CCDC73: variants seen among roughly 807,000 people sequenced by gnomAD.
The protein encoded by CCDC73 is coiled-coil domain-containing protein 73.
In CCDC73, 95 loss-of-function variants were observed where a neutral mutation model predicts 116.5. That is an observed-to-expected ratio of 0.82 (90% CI 0.69 to 0.97). The LOEUF is 0.97. Ranked by LOEUF, CCDC73 falls within the 50% of genes least tolerant of loss-of-function variation. CCDC73 has a pLI of 0.00. For synonymous variants in CCDC73, 398 were observed against 401.3 expected, an observed-to-expected ratio of 0.99 and a Z score of 0.10; for missense variants, 1,066 against 1,206.8, an observed-to-expected ratio of 0.88 and a Z score of 1.73.
chr11:32,731,730 C>A lies in CCDC73; in HGVS notation c.136-13583G>T, dbSNP rs1418546483. ...GACTGTTAGAAGGAAAACTAACAAA[C>A]AGGACATCCACACGAAAATCCCATC... On this transcript the variant is annotated intron_variant, in intron 2 of 17. Coordinates refer to ENST00000335185, the MANE Select transcript of CCDC73 (RefSeq NM_001008391.4). 4.6e-5 allele frequency among the ~76,000 whole-genome samples: 7 copies of A among 150,760 alleles called. No homozygotes were observed. In the East Asian group the frequency reaches 1.2e-3, roughly 25 times the overall value.
At chr11:32,688,272 G>A (rs1314051190) in intron 6 of CCDC73, among the ~76,000 whole-genome samples, 4 of 152,140 alleles carry the variant, frequency 2.6e-5, no homozygotes, top group Admixed American at 2.0e-4. Flanking sequence ...TTACCTCTGT[G>A]ATATTCCTTC....
At chr11:32,604,835 G>A (rs954090769) in intron 17 of CCDC73, 1 of 152,090 alleles carries the variant, frequency 6.6e-6, no homozygotes, top group Non-Finnish European at 1.5e-5. Context: ...TTCAGTGTTA[G>A]ATTATGTAGT....
intron 7 of CCDC73, among the ~76,000 whole-genome samples, chr11:32,679,156 T>C (rs78349053): frequency 0.047 from 7,152 of 152,204 alleles, 185 homozygotes; most frequent in African/African-American, 0.061. Context: ...TTGATAAATG[T>C]ACTTAGTCCT....
At position 32,625,336 on chromosome 11, in the gene CCDC73, T is replaced by G. The variant is rs527873814; in HGVS notation, c.1186-9207A>C. Reference sequence around the variant, plus strand: ...ATCCTGTCATTATGATGTTAGCTGGTTATTTTGCTCGTTAGTTGATGCCGT... The same window carrying G: ...ATCCTGTCATTATGATGTTAGCTGGGTATTTTGCTCGTTAGTTGATGCCGT... On this transcript the variant is annotated intron_variant, in intron 14 of 17. Coordinates refer to ENST00000335185, the MANE Select transcript of CCDC73 (RefSeq NM_001008391.4). 4.6e-5 allele frequency among the ~76,000 whole-genome samples: 7 copies of G among 152,314 alleles called. No homozygotes were observed. The South Asian group carries it at 1.5e-3, about 32-fold the overall frequency.
At chr11:32,720,629 C>T (rs925663253) in intron 2 of CCDC73, among the ~76,000 whole-genome samples, 4 of 151,562 alleles carry the variant, frequency 2.6e-5, no homozygotes, top group African/African-American at 9.7e-5. Context: ...AAGGAACCTA[C>T]AAAAAAAACT....
At chr11:32,709,434 C>T (rs934605309) in intron 3 of CCDC73, among the ~76,000 whole-genome samples, 12 of 152,090 alleles carry the variant, frequency 7.9e-5, no homozygotes, top group African/African-American at 2.9e-4. Flanking sequence ...GTAGCTGGGG[C>T]TGCAGGCGCC....
At chr11:32,637,017 C>CTTTT (rs71063750) in intron 13 of CCDC73, among the ~76,000 whole-genome samples, 1,625 of 87,314 alleles carry the variant, frequency 0.019, 25 homozygotes, top group African/African-American at 0.038. Context: ...TTTTCTTTTT[C>CTTTT]TTTTTTTTTT....
In CCDC73 at chr11:32,614,846, G is replaced by C; in HGVS notation, c.1472C>G (p.Ser491Cys). ...TTGACTAATTACTTCTTTATCTAAG[G>C]AGAGGGTTTTGCTTAAGGAGATTTC... ...QSEISLSKTL[S>C]LDKEVISQGQ... The change falls in exon 16 of 18, where the codon TCC (serine) becomes TGC (cysteine). Residue 491 changes from serine (S) to cysteine (C), a missense_variant. Transcript: ENST00000335185. 1 of 1,612,916 alleles carries C rather than the reference G, an allele frequency of 6.2e-7. No individual in the cohort carries two copies.
intron 1 of CCDC73, among the ~76,000 whole-genome samples, chr11:32,781,630 C>G (rs1227074453): frequency 6.6e-6 from 1 of 152,138 alleles, no homozygotes; most frequent in Non-Finnish European, 1.5e-5. Flanking sequence ...GGAAGTTGTT[C>G]TGATGATGAC....
At chr11:32,774,990 T>C (rs1313996703) in intron 1 of CCDC73, among the ~76,000 whole-genome samples, 1 of 152,212 alleles carries the variant, frequency 6.6e-6, no homozygotes, top group Non-Finnish European at 1.5e-5. Context: ...AAGTGGTATC[T>C]ATCTAGGCCT....
At chr11:32,773,978 C>G (rs1509888) in intron 1 of CCDC73, among the ~76,000 whole-genome samples, 89,584 of 151,842 alleles carry the variant, frequency 0.59, 26,731 homozygotes, top group East Asian at 0.84. Context: ...TAAGAGAAGA[C>G]GGTAGGGGGT....
At chr11:32,604,976 C>T (rs1179805378) in intron 17 of CCDC73, 2 of 152,340 alleles carry the variant, frequency 1.3e-5, no homozygotes, top group South Asian at 2.1e-4. Flanking sequence ...CCTCAGCCTC[C>T]CGAGTAGCTG....
intron 9 of CCDC73, among the ~76,000 whole-genome samples, chr11:32,667,712 C>G (rs1234245763): frequency 6.6e-6 from 1 of 152,218 alleles, no homozygotes; most frequent in African/African-American, 2.4e-5. Flanking sequence ...GAACCTGGTA[C>G]CTCAGTTGGA....
At chr11:32,767,402 T>C (rs9667014) in intron 1 of CCDC73, among the ~76,000 whole-genome samples, 3,734 of 152,242 alleles carry the variant, frequency 0.025, 141 homozygotes, top group African/African-American at 0.083. Flanking sequence ...ATTCAGGACA[T>C]AGGCATGGGC....
chr11:32,764,918 G>C, intron 1 of CCDC73, among the ~76,000 whole-genome samples: 1 of 152,094 alleles, frequency 6.6e-6, no homozygotes, highest in East Asian at 1.9e-4. Context: ...GATGGAGGAA[G>C]ATCTACCAAG....
At chr11:32,828,693 G>C in the CCDC73 span, among the ~76,000 whole-genome samples, 1 of 152,102 alleles carries the variant, frequency 6.6e-6, no homozygotes, top group Non-Finnish European at 1.5e-5. Flanking sequence ...TTCATTACTT[G>C]ATGCAGCAGT....
rs1850608670 is a variant in CCDC73, at chr11:32,784,326, T to A, written c.-16+10287A>T. On this transcript the variant is annotated intron_variant, in intron 1 of 17. Transcript: ENST00000335185. Reference sequence around the variant, plus strand: ...CCTAAGCAACAAGAGTGAAAGTCCGTCTCAAAAAAAAAAAAGAAAGCAATG... The same window carrying A: ...CCTAAGCAACAAGAGTGAAAGTCCGACTCAAAAAAAAAAAAGAAAGCAATG... Among the ~76,000 whole-genome samples the A allele has an allele frequency of 2.9e-5, 3 of 102,430 alleles. No homozygotes were observed. The South Asian group carries it at 1.1e-3, about 38-fold the overall frequency. The allele number at this position is 102,430 out of a possible 152,430, so 67.2% of individuals were successfully genotyped here.
chr11:32,736,196 A>T (rs905418010), intron 2 of CCDC73, among the ~76,000 whole-genome samples: 5 of 152,338 alleles, frequency 3.3e-5, no homozygotes, highest in African/African-American at 1.2e-4. Context: ...TGCACAGCAA[A>T]AGAAACTACC....
upstream of CCDC73, among the ~76,000 whole-genome samples, chr11:32,798,969 G>A (rs1468770130): frequency 6.6e-6 from 1 of 151,376 alleles, no homozygotes. Context: ...GGAGTGCAGT[G>A]GTGCAATCTT....
Sources: allele counts gnomAD v4.1 joint callset (sites outside exome capture counted in the v4.1 genomes callset), GRCh38; gene constraint gnomAD v4.1.1; transcripts MANE v1.5; gene names NCBI Gene and HGNC (gene_info 2026-07-23, HGNC 2026-07-21).